Variants in BCAS3 observed in about 807,000 individuals in gnomAD.
The protein encoded by BCAS3 is BCAS3 microtubule associated cell migration factor.
BCAS3 carries 53 observed loss-of-function variants against 116.1 expected under a neutral mutation model. The ratio of observed to expected loss-of-function variants is 0.46; its 90% CI spans 0.37 to 0.57. The LOEUF is 0.57. BCAS3 is among the 20% of genes least tolerant of loss of function. BCAS3 has a pLI of 0.00. For synonymous variants in BCAS3, 391 were observed against 408.2 expected, an observed-to-expected ratio of 0.96 and a Z score of 0.51; for missense variants, 917 against 1,165.4, an observed-to-expected ratio of 0.79 and a Z score of 3.10.
chr17:61,385,597 G>A (rs1041056653), intron 23 of BCAS3, among the ~76,000 whole-genome samples: 2 of 152,236 alleles, frequency 1.3e-5, no homozygotes, highest in Non-Finnish European at 2.9e-5. Context: ...TACTGAAGCT[G>A]TTGGTTGCAA....
At chr17:61,169,503 C>A (rs1213402495) in intron 22 of BCAS3, among the ~76,000 whole-genome samples, 1 of 152,092 alleles carries the variant, frequency 6.6e-6, no homozygotes, top group Non-Finnish European at 1.5e-5. Context: ...AAACTCCTGG[C>A]CTTATGCAAT....
chr17:61,137,086 C>T (rs760839467), intron 22 of BCAS3, among the ~76,000 whole-genome samples: 8 of 152,164 alleles, frequency 5.3e-5, no homozygotes, highest in Non-Finnish European at 1.2e-4. Context: ...TTGTTTTCCT[C>T]AGTGGCCACC....
Position 61,380,822 on chromosome 17 carries a change from A to G in BCAS3, c.2594-11155A>G, listed in dbSNP as rs1247762197. Among the ~76,000 whole-genome samples, 3 of 152,178 alleles carry G rather than the reference A, an allele frequency of 2.0e-5. No individual in the cohort carries two copies. The highest frequency in any genetic ancestry group is 4.8e-5 in the African/African-American group (2 of 41,432). ...GCCCCCCACTTTGAAGATGGAAGTG[A>G]AATTTTCGGACTCTGCTGTGCAGAG... On this transcript the variant is annotated intron_variant, in intron 23 of 23. Coordinates refer to ENST00000407086, the MANE Select transcript of BCAS3 (RefSeq NM_017679.5). This position sits in a 1 kb window ranked among gnomAD's most constrained non-coding sequence, Gnocchi z 4.2.
Position 60,910,513 on chromosome 17 carries a change from T to G in BCAS3, c.823-19T>G, listed in dbSNP as rs2058435911. Reference sequence around the variant, plus strand: ...CAAATACTGATGTGAAGTCATACATTTTACCTTTCATTGTACAGACATTGA... The same window carrying G: ...CAAATACTGATGTGAAGTCATACATGTTACCTTTCATTGTACAGACATTGA... On this transcript the variant is annotated intron_variant, in intron 11 of 23. Coordinates refer to ENST00000407086, the MANE Select transcript of BCAS3 (RefSeq NM_017679.5). 6.4e-7 allele frequency: 1 copy of G among 1,567,716 alleles called. No homozygotes were observed. The highest frequency in any genetic ancestry group is 1.4e-5 in the African/African-American group (1 of 72,918).
chr17:60,937,382 C>T (rs2059991790), intron 13 of BCAS3, among the ~76,000 whole-genome samples: 2 of 152,014 alleles, frequency 1.3e-5, no homozygotes, highest in South Asian at 4.1e-4. Context: ...TCTCCATTCA[C>T]TCCATATAAA....
intron 22 of BCAS3, among the ~76,000 whole-genome samples, chr17:61,193,340 G>GA (rs926699161): frequency 6.6e-6 from 1 of 152,012 alleles, no homozygotes; most frequent in Non-Finnish European, 1.5e-5. Context: ...AACATATAGA[G>GA]AAAAAATTAC....
At chr17:60,921,298 A>G (rs2059069473) in intron 12 of BCAS3, among the ~76,000 whole-genome samples, 1 of 152,154 alleles carries the variant, frequency 6.6e-6, no homozygotes, top group Non-Finnish European at 1.5e-5. Flanking sequence ...TAAGCAAATC[A>G]ATGGAGAAAT....
chr17:61,060,594 ACT>A (rs1033891641), intron 19 of BCAS3, among the ~76,000 whole-genome samples: 2 of 152,030 alleles, frequency 1.3e-5, no homozygotes, highest in South Asian at 2.1e-4. Context: ...AGTCAAGATG[ACT>A]CTCTGTCAGT....
chr17:61,021,667 G>A lies in BCAS3; in HGVS notation c.1637+5766G>A, dbSNP rs7208184. Among the ~76,000 whole-genome samples, 15,463 of 152,134 alleles carry A rather than the reference G, an allele frequency of 0.1. 2,370 individuals are homozygous for A. Among genetic ancestry groups the A allele is most frequent in the African/African-American group, 0.34 (13,962 of 41,460 alleles). ...GAGCAGCCGTAAGCCAGTGCTGATG[G>A]GCTCAGGCCCCACTTAGAAAGCATA... On this transcript the variant is annotated intron_variant, in intron 16 of 23. Coordinates refer to ENST00000407086, the MANE Select transcript of BCAS3 (RefSeq NM_017679.5). The surrounding 1 kb of genome is among the most constrained non-coding windows in gnomAD (Gnocchi z 4.6).
rs2076351720 is a variant in BCAS3 at position 61,131,687 on chromosome 17, G to A, written c.2425+47123G>A. 6.6e-6 allele frequency among the ~76,000 whole-genome samples: 1 copy of A among 152,158 alleles called. No homozygotes were observed. The highest frequency in any genetic ancestry group is 2.1e-4 in the South Asian group (1 of 4,834). On this transcript the variant is annotated intron_variant, in intron 22 of 23. Coordinates refer to ENST00000407086, the MANE Select transcript of BCAS3 (RefSeq NM_017679.5). The surrounding 1 kb of genome is among the most constrained non-coding windows in gnomAD (Gnocchi z 4.4). ...CTTCTCTGTTTTTCTTTCCCTGAGA[G>A]TGCTGATTAGTGACTTGCGGTGTGG...
chr17:61,293,534 G>A (rs1014056044), intron 22 of BCAS3, among the ~76,000 whole-genome samples: 2 of 152,108 alleles, frequency 1.3e-5, no homozygotes, highest in African/African-American at 2.4e-5. Flanking sequence ...GAGAAGTCCC[G>A]TAGAGGATAG....
chr17:61,203,115 T>G lies in BCAS3; in HGVS notation c.2425+118551T>G, dbSNP rs1791923920. 6.6e-6 allele frequency among the ~76,000 whole-genome samples: 1 copy of G among 152,170 alleles called. No individual in the cohort carries two copies. Among genetic ancestry groups the G allele is most frequent in the Non-Finnish European group, 1.5e-5 (1 of 68,024 alleles). On this transcript the variant is annotated intron_variant, in intron 22 of 23. Transcript: ENST00000407086. The surrounding 1 kb of genome is among the most constrained non-coding windows in gnomAD (Gnocchi z 5.7). ...TTTATTTATGTGTAGCTCCTAGATC[T>G]AAAAGGGAATAGTTTTTTCCCCTCA...
intron 13 of BCAS3, among the ~76,000 whole-genome samples, chr17:60,934,781 T>G (rs530925675): frequency 1.6e-4 from 24 of 152,308 alleles, no homozygotes; most frequent in African/African-American, 5.5e-4. Context: ...AGATTTATTA[T>G]ATATAGTAAG....
chr17:60,686,252 T>G (rs2034029916), intron 3 of BCAS3, among the ~76,000 whole-genome samples: 2 of 152,288 alleles, frequency 1.3e-5, no homozygotes, highest in South Asian at 4.2e-4. Flanking sequence ...TTCAGAGTCC[T>G]GCGTTGGTAC....
intron 6 of BCAS3, among the ~76,000 whole-genome samples, chr17:60,799,321 C>T (rs1050286432): frequency 2.0e-5 from 3 of 152,006 alleles, no homozygotes; most frequent in African/African-American, 7.3e-5. Flanking sequence ...CTTGTGTGTA[C>T]ATAATTCCAT....
In BCAS3 at chr17:61,302,637, C is replaced by G. The variant is rs937267172; in HGVS notation, c.2426-65690C>G. 1.3e-5 allele frequency among the ~76,000 whole-genome samples: 2 copies of G among 152,108 alleles called. No homozygotes were observed. Among genetic ancestry groups the G allele is most frequent in the Non-Finnish European group, 2.9e-5 (2 of 68,022 alleles). On this transcript the variant is annotated intron_variant, in intron 22 of 23. Coordinates refer to ENST00000407086, the MANE Select transcript of BCAS3 (RefSeq NM_017679.5). This position sits in a 1 kb window ranked among gnomAD's most constrained non-coding sequence, Gnocchi z 4.4. ...TACTCCCATTTTCTTGCTAAGGAAA[C>G]TAAGATTTAGGTTACATTGATGAGT...
chr17:60,771,333 A>G (rs2044682977), intron 6 of BCAS3, among the ~76,000 whole-genome samples: 1 of 152,144 alleles, frequency 6.6e-6, no homozygotes, highest in Non-Finnish European at 1.5e-5. Flanking sequence ...TGCAATGGAA[A>G]TTGCCGGTAT....
intron 12 of BCAS3, among the ~76,000 whole-genome samples, chr17:60,923,363 A>T (rs1320936974): frequency 6.6e-6 from 1 of 152,188 alleles, no homozygotes; most frequent in Non-Finnish European, 1.5e-5. Flanking sequence ...TCACTCACAA[A>T]TACTATCTCA....
chr17:61,252,699 C>T (rs945488338), intron 22 of BCAS3, among the ~76,000 whole-genome samples: 7 of 151,986 alleles, frequency 4.6e-5, no homozygotes, highest in Admixed American at 4.6e-4. Flanking sequence ...TCATCCTCTG[C>T]CCTCTGCTTA....
Sources: allele counts gnomAD v4.1 joint callset (sites outside exome capture counted in the v4.1 genomes callset), GRCh38; gene constraint gnomAD v4.1.1; non-coding constraint Gnocchi (gnomAD v3.1); transcripts MANE v1.5; gene names NCBI Gene and HGNC (gene_info 2026-07-23, HGNC 2026-07-21).